The following BCKDHB variants were observed in gnomAD, a reference collection of about 807,000 sequenced individuals.
The protein encoded by BCKDHB is branched chain keto acid dehydrogenase E1 subunit beta, also known as 2-oxoisovalerate dehydrogenase subunit beta, mitochondrial.
Under a neutral mutation model 48.5 loss-of-function variants are expected in BCKDHB, and 41 were observed. That is an observed-to-expected ratio of 0.85 (90% CI 0.66 to 1.10). The LOEUF (loss-of-function observed/expected upper bound fraction) is 1.10. Among genes scored for constraint, BCKDHB ranks in the 50% least tolerant of loss-of-function variants. BCKDHB has a pLI of 0.00. For missense variants in BCKDHB, 496 were observed against 494.2 expected, an observed-to-expected ratio of 1.00 and a Z score of -0.03; for synonymous variants, 201 against 174.8, an observed-to-expected ratio of 1.15 and a Z score of -1.18.
At chr6:80,416,245 G>GT in the BCKDHB span, among the ~76,000 whole-genome samples, 8,552 of 139,300 alleles carry the variant, frequency 0.061, 624 homozygotes, top group African/African-American at 0.18. Flanking sequence ...TTTTGAATAG[G>GT]TTTTTTTTTT....
chr6:80,184,194 T>C (rs1773539722), intron 6 of BCKDHB, among the ~76,000 whole-genome samples: 1 of 152,202 alleles, frequency 6.6e-6, no homozygotes, highest in Non-Finnish European at 1.5e-5. Context: ...TTTATCATTA[T>C]GTAATATCCC....
the BCKDHB span, among the ~76,000 whole-genome samples, chr6:80,392,207 T>C: frequency 1.3e-5 from 2 of 152,146 alleles, no homozygotes; most frequent in Admixed American, 6.5e-5. Flanking sequence ...TTGTCCAGGC[T>C]GGTCTCTAAC....
the BCKDHB span, among the ~76,000 whole-genome samples, chr6:80,371,706 G>T: frequency 6.6e-6 from 1 of 152,042 alleles, no homozygotes; most frequent in Non-Finnish European, 1.5e-5. Flanking sequence ...CATGTGGCTT[G>T]TCAATTATCC....
chr6:80,287,562 T>A (rs1452591019), intron 9 of BCKDHB, among the ~76,000 whole-genome samples: 2 of 152,108 alleles, frequency 1.3e-5, no homozygotes, highest in African/African-American at 4.8e-5. Flanking sequence ...AAATTAGGCG[T>A]GCAGACACCA....
intron 5 of BCKDHB, among the ~76,000 whole-genome samples, chr6:80,170,563 G>C (rs1014245601): frequency 8.5e-5 from 13 of 152,144 alleles, no homozygotes; most frequent in African/African-American, 2.4e-4. Context: ...CTAAAATGAG[G>C]AACATTATAA....
chr6:80,236,007 C>T (rs1421827387), intron 8 of BCKDHB, among the ~76,000 whole-genome samples: 1 of 152,136 alleles, frequency 6.6e-6, no homozygotes, highest in African/African-American at 2.4e-5. Context: ...ACCTGTGCTC[C>T]ATGTGGAAAG....
rs1776083848 is a variant in BCKDHB at position 80,234,856 on chromosome 6, T to A, written c.951+31644T>A. Among the ~76,000 whole-genome samples, 3 of 152,046 alleles carry A rather than the reference T, an allele frequency of 2.0e-5. No homozygotes were observed. The South Asian group carries it at 6.2e-4, about 32-fold the overall frequency. On this transcript the variant is annotated intron_variant, in intron 8 of 9. Coordinates refer to ENST00000320393, the MANE Select transcript of BCKDHB (RefSeq NM_183050.4). Reference sequence around the variant, plus strand: ...ATATATATATATATTAGACTATTATTCAGCCATAGAAAAGAATGAAATCCT... The same window carrying A: ...ATATATATATATATTAGACTATTATACAGCCATAGAAAAGAATGAAATCCT...
At chr6:80,321,049 C>A (rs1315443566) in intron 9 of BCKDHB, among the ~76,000 whole-genome samples, 4 of 152,182 alleles carry the variant, frequency 2.6e-5, no homozygotes, top group Non-Finnish European at 5.9e-5. Flanking sequence ...TCTATCCTAA[C>A]CTAAACAAGC....
chr6:80,271,165 C>T (rs1255526317), intron 8 of BCKDHB, among the ~76,000 whole-genome samples: 2 of 152,102 alleles, frequency 1.3e-5, no homozygotes, highest in African/African-American at 4.8e-5. Flanking sequence ...GGTGTGCTCA[C>T]TGCTGTGGTG....
At chr6:80,241,373 C>G (rs1478651717) in intron 8 of BCKDHB, among the ~76,000 whole-genome samples, 1 of 152,118 alleles carries the variant, frequency 6.6e-6, no homozygotes, top group African/African-American at 2.4e-5. Context: ...CTGGTTTCTC[C>G]CCATCTTTGT....
At chr6:80,331,265 T>C (rs901178085) in intron 9 of BCKDHB, among the ~76,000 whole-genome samples, 1 of 152,158 alleles carries the variant, frequency 6.6e-6, no homozygotes, top group Non-Finnish European at 1.5e-5. Context: ...AAGAGTTTAT[T>C]TTAGCTTAGA....
chr6:80,307,912 G>A (rs1265350950), intron 9 of BCKDHB: 2 of 971,700 alleles, frequency 2.1e-6, no homozygotes, highest in Non-Finnish European at 2.4e-6. Flanking sequence ...ATTCCCAAAA[G>A]TAATATCATG....
intron 8 of BCKDHB, among the ~76,000 whole-genome samples, chr6:80,234,070 C>T (rs1776045098): frequency 6.6e-6 from 1 of 152,142 alleles, no homozygotes; most frequent in Admixed American, 6.5e-5. Flanking sequence ...ATAGTGTTTG[C>T]ACTTCTATGA....
At chr6:80,240,300 G>T (rs577078870) in intron 8 of BCKDHB, among the ~76,000 whole-genome samples, 1 of 152,182 alleles carries the variant, frequency 6.6e-6, no homozygotes, top group Non-Finnish European at 1.5e-5. Context: ...TCTTCCATTT[G>T]TTTGTGTATT....
intron 8 of BCKDHB, among the ~76,000 whole-genome samples, chr6:80,254,784 G>C (rs142435240): frequency 1.7e-3 from 254 of 152,284 alleles, no homozygotes; most frequent in African/African-American, 5.9e-3. Context: ...CAGAAACTGA[G>C]AGAATCATAG....
At chr6:80,189,236 C>A (rs925050585) in intron 6 of BCKDHB, among the ~76,000 whole-genome samples, 1 of 152,006 alleles carries the variant, frequency 6.6e-6, no homozygotes, top group Admixed American at 6.6e-5. Flanking sequence ...TTTATATATA[C>A]CTTTAATTTT....
At chr6:80,288,420 ATGT>A (rs1285359279) in intron 9 of BCKDHB, among the ~76,000 whole-genome samples, 7 of 152,180 alleles carry the variant, frequency 4.6e-5, no homozygotes, top group African/African-American at 1.7e-4. Context: ...GCATACTGAC[ATGT>A]TGTTATTCAT....
chr6:80,408,921 A>G, the BCKDHB span, among the ~76,000 whole-genome samples: 3 of 149,306 alleles, frequency 2.0e-5, no homozygotes, highest in South Asian at 4.3e-4. Flanking sequence ...CTAGCTTTTG[A>G]GTTTGTTTGC....
the BCKDHB span, among the ~76,000 whole-genome samples, chr6:80,419,581 T>C: frequency 6.6e-6 from 1 of 152,240 alleles, no homozygotes; most frequent in African/African-American, 2.4e-5. Context: ...TACCAAACCC[T>C]CTGGGATCCA....
Sources: gnomAD v4.1 joint callset for allele counts (sites outside exome capture counted in the v4.1 genomes callset) on GRCh38, gnomAD v4.1.1 for gene constraint, MANE v1.5 for transcripts, NCBI Gene and HGNC (gene_info 2026-07-23, HGNC 2026-07-21) for gene names.